The following RC3H1 variants were observed in gnomAD, a reference collection of about 807,000 sequenced individuals.
The protein encoded by RC3H1 is roquin-1.
RC3H1 carries 50 observed loss-of-function variants against 138.2 expected under a neutral mutation model. The ratio of observed to expected loss-of-function variants is 0.36; its 90% confidence interval spans 0.29 to 0.46. The LOEUF (loss-of-function observed/expected upper bound fraction) is 0.46. Ranked by LOEUF, RC3H1 falls within the 20% of genes least tolerant of loss-of-function variation. The pLI, the probability that RC3H1 is intolerant of heterozygous loss-of-function variation, is 1.00. For missense variants in RC3H1, 1,031 were observed against 1,388.1 expected (o/e 0.74, Z 4.09); for synonymous variants, 462 against 489.1 (o/e 0.94, Z 0.73).
intron 14 of RC3H1, among the ~76,000 whole-genome samples, chr1:173,951,197 T>G (rs1057046486): frequency 6.6e-6 from 1 of 152,132 alleles, no homozygotes; most frequent in African/African-American, 2.4e-5. Context: ...TGGTGGCGCA[T>G]GCCTCTAATC....
chr1:173,977,071 C>T (rs1214484514), intron 7 of RC3H1, among the ~76,000 whole-genome samples: 5 of 152,066 alleles, frequency 3.3e-5, no homozygotes, highest in Admixed American at 2.6e-4. Flanking sequence ...TACAGGCGCC[C>T]GCCACCATGC....
chr1:174,007,404 T>A (rs940310501), intron 1 of RC3H1, among the ~76,000 whole-genome samples: 1 of 150,666 alleles, frequency 6.6e-6, no homozygotes, highest in African/African-American at 2.4e-5. Context: ...AAAAAAAAAA[T>A]CTATATAACG....
intron 1 of RC3H1, among the ~76,000 whole-genome samples, chr1:174,021,722 G>A (rs1313680586): frequency 6.6e-6 from 1 of 152,120 alleles, no homozygotes; most frequent in African/African-American, 2.4e-5. Context: ...CACAGACTAG[G>A]GGTCCAAAAA....
Position 173,980,844 on chromosome 1 carries a change from A to G in RC3H1, c.934T>C (p.Ser312Pro). 6.2e-7 allele frequency: 1 copy of G among 1,614,126 alleles called. No individual in the cohort carries two copies. Among genetic ancestry groups the G allele is most frequent in the Non-Finnish European group, 8.5e-7 (1 of 1,179,988 alleles). The change falls in exon 6 of 20, where the codon TCT becomes CCT. Residue 312 changes from serine (S) to proline (P), a missense_variant. Transcript: ENST00000367696. ...ATGGACTGCATATGAGATTTGTGAG[A>G]CTGGTCTCCATAAAGCAAAGAGGAC... The part of the protein sequence containing the change: ...QWSSLLYGDQ[S>P]HKSHMQSIID...
In RC3H1 at chr1:173,968,961, C is replaced by T. The variant is rs1227611874; in HGVS notation, c.1334+1544G>A. Reference sequence around the variant, plus strand: ...GCAACCTCCACCTCCCGGGTTCAAGCGATTCTCCTGCCTCAGCCTCCCGAG... The same window carrying T: ...GCAACCTCCACCTCCCGGGTTCAAGTGATTCTCCTGCCTCAGCCTCCCGAG... On this transcript the variant is annotated intron_variant, in intron 9 of 19. Coordinates refer to ENST00000367696, the MANE Select transcript of RC3H1 (RefSeq NM_172071.4). Among the ~76,000 whole-genome samples, 6 of 148,598 alleles carry T rather than the reference C, an allele frequency of 4.0e-5. No individual in the cohort carries two copies. In the East Asian group the frequency reaches 7.9e-4, roughly 20 times the overall value.
intron 2 of RC3H1, among the ~76,000 whole-genome samples, chr1:173,989,161 T>C (rs1005313309): frequency 1.3e-5 from 2 of 151,990 alleles, no homozygotes; most frequent in South Asian, 2.1e-4. Context: ...GCCTCACAGA[T>C]AGGTGGGAAT....
intron 7 of RC3H1, among the ~76,000 whole-genome samples, chr1:173,977,179 C>T (rs1660625251): frequency 6.6e-6 from 1 of 152,102 alleles, no homozygotes; most frequent in South Asian, 2.1e-4. Context: ...CCGCCTCGGC[C>T]TCCCAAAGTG....
Position 174,011,637 on chromosome 1 carries a change from G to A in RC3H1, c.-151+10459C>T, listed in dbSNP as rs566938571. Among the ~76,000 whole-genome samples, 8 of 151,776 alleles carry A rather than the reference G, an allele frequency of 5.3e-5. No individual in the cohort carries two copies. The East Asian group carries it at 1.2e-3, about 22-fold the overall frequency. On this transcript the variant is annotated intron_variant, in intron 1 of 19. Transcript: ENST00000367696. ...AAGCAGTACGATTATTTTTAGTCAA[G>A]GACTAAGCACAGAGGGACAGCTTAC... is the stretch of plus-strand genomic sequence containing the variant.
intron 1 of RC3H1, among the ~76,000 whole-genome samples, chr1:174,014,619 T>C (rs1327373203): frequency 6.6e-6 from 1 of 152,230 alleles, no homozygotes; most frequent in Non-Finnish European, 1.5e-5. Flanking sequence ...TCTGGATGAA[T>C]ATCTTTCTAA....
chr1:174,017,783 C>CCAAAAAAAAAAAAA (rs1165317766), intron 1 of RC3H1, among the ~76,000 whole-genome samples: 9 of 72,030 alleles, frequency 1.2e-4, no homozygotes, highest in African/African-American at 4.0e-4. Flanking sequence ...TTTTCTTGCT[C>CCAAAAAAAAAAAAA]AAAAAAAAAA....
In RC3H1 at chr1:173,983,045, C is replaced by T. The variant is rs1221194762; in HGVS notation, c.593-143G>A. The T allele has an allele frequency of 6.8e-5, 44 of 647,774 alleles. No homozygotes were observed. In the Admixed American group the frequency reaches 1.5e-3, roughly 22 times the overall value. 40.1% of individuals were successfully genotyped at this position (647,774 alleles called of 1,614,324 possible). A position where few individuals can be genotyped will look rare whatever the true frequency, so the allele number is the denominator to read the frequency against. On this transcript the variant is annotated intron_variant, in intron 4 of 19. Transcript: ENST00000367696. ...AAGATTAACCAGCAACACACTTTTA[C>T]ACCATTTTTGTGAGCAATTTTGTAT...
At chr1:173,941,023 T>A (rs935853627) in intron 19 of RC3H1, among the ~76,000 whole-genome samples, 6 of 152,154 alleles carry the variant, frequency 3.9e-5, no homozygotes, top group African/African-American at 1.4e-4. Context: ...GGTTTCACCA[T>A]GCTGGCCAGG....
At chr1:174,008,808 C>G (rs1297079279) in intron 1 of RC3H1, among the ~76,000 whole-genome samples, 1 of 151,956 alleles carries the variant, frequency 6.6e-6, no homozygotes, top group Non-Finnish European at 1.5e-5. Context: ...GAAACGCCAT[C>G]TCTACTAAAT....
chr1:173,964,142 T>C lies in RC3H1; in HGVS notation c.1662A>G (p.Pro554=). ...PKSISALPVN[P]HSIPPRGPAD... ...CTGGCCCCCTTGGAGGTATAGAATGTGGATTCACAGGTAAGGCAGAAATAC... is the reference window on the plus strand; with the variant it reads ...CTGGCCCCCTTGGAGGTATAGAATGCGGATTCACAGGTAAGGCAGAAATAC... The change falls in exon 11 of 20, where the codon CCA becomes CCG. Residue 554 remains proline (P), a synonymous_variant. Coordinates refer to ENST00000367696, the MANE Select transcript of RC3H1 (RefSeq NM_172071.4). The C allele has an allele frequency of 1.9e-6, 3 of 1,614,096 alleles. No homozygotes were observed. The highest frequency in any genetic ancestry group is 2.5e-6 in the Non-Finnish European group (3 of 1,180,000).
rs180847553 is a variant in RC3H1, at chr1:174,021,003, C to G, written c.-151+1093G>C. Among the ~76,000 whole-genome samples the G allele has an allele frequency of 2.4e-3, 363 of 152,192 alleles. 3 individuals are homozygous for G. The highest frequency in any genetic ancestry group is 8.5e-3 in the African/African-American group (354 of 41,512). ...CAGCCTGGGTGACAGAGCAAGACTC[C>G]GTCGCAAAACAAAACAAAAACGAAA... On this transcript the variant is annotated intron_variant, in intron 1 of 19. Coordinates refer to ENST00000367696, the MANE Select transcript of RC3H1 (RefSeq NM_172071.4).
chr1:173,964,290 T>C, intron 10 of RC3H1, 103 bp from the exon 11 acceptor site: 1 of 882,932 alleles, frequency 1.1e-6, no homozygotes, highest in Non-Finnish European at 1.8e-6. Context: ...TCACTTATTC[T>C]AATAGTCCTC....
chr1:173,981,760 T>C (rs916907134), intron 5 of RC3H1, among the ~76,000 whole-genome samples: 2 of 152,064 alleles, frequency 1.3e-5, no homozygotes, highest in Non-Finnish European at 2.9e-5. Context: ...AAGTGTGAGA[T>C]GCTAGACTAG....
At chr1:173,983,988 A>G (rs1660924173) in intron 3 of RC3H1, among the ~76,000 whole-genome samples, 1 of 152,180 alleles carries the variant, frequency 6.6e-6, no homozygotes, top group Non-Finnish European at 1.5e-5. Context: ...AAGTCCTAAG[A>G]GTTCTGGTAT....
At chr1:173,985,774 T>C (rs964065142) in intron 2 of RC3H1, among the ~76,000 whole-genome samples, 3 of 152,202 alleles carry the variant, frequency 2.0e-5, no homozygotes, top group Non-Finnish European at 4.4e-5. Context: ...TAATTATCTC[T>C]TCTTCCCATC....
Sources: gnomAD v4.1 joint callset for allele counts (sites outside exome capture counted in the v4.1 genomes callset) on GRCh38, gnomAD v4.1.1 for gene constraint, MANE v1.5 for transcripts, NCBI Gene and HGNC (gene_info 2026-07-23, HGNC 2026-07-21) for gene names.